Variants in CPEB3 observed in about 807,000 individuals in gnomAD.
CPEB3 encodes cytoplasmic polyadenylation element binding protein 3.
CPEB3 carries 20 observed loss-of-function variants against 67.2 expected under a neutral mutation model. The ratio of observed to expected loss-of-function variants is 0.30; its 90% confidence interval spans 0.21 to 0.43. The LOEUF is 0.43. Ranked by LOEUF, CPEB3 falls within the 20% of genes least tolerant of loss-of-function variation. The pLI, the probability that CPEB3 is intolerant of heterozygous loss-of-function variation, is 1.00. For synonymous variants in CPEB3, 376 were observed against 393.1 expected (o/e 0.96, Z 0.51); for missense variants, 746 against 968.6 (o/e 0.77, Z 3.05).
At chr10:92,174,263 G>C (rs747325374) in intron 4 of CPEB3, among the ~76,000 whole-genome samples, 1 of 152,216 alleles carries the variant, frequency 6.6e-6, no homozygotes, top group Non-Finnish European at 1.5e-5. Flanking sequence ...GGGAAGAGGA[G>C]GCTCTGCAGC....
chr10:92,146,312 T>C (rs1846677821), intron 4 of CPEB3, among the ~76,000 whole-genome samples: 1 of 152,086 alleles, frequency 6.6e-6, no homozygotes, highest in South Asian at 2.1e-4. Context: ...ATCAAATATA[T>C]TTCCTGTTTG....
At chr10:92,238,355 G>T (rs1335218774) in intron 2 of CPEB3, among the ~76,000 whole-genome samples, 1 of 152,162 alleles carries the variant, frequency 6.6e-6, no homozygotes, top group Non-Finnish European at 1.5e-5. Flanking sequence ...CAGAAAGCAA[G>T]AACAGAAATA....
chr10:92,234,866 A>G lies in CPEB3; in HGVS notation c.1005+4480T>C, dbSNP rs143495641. On this transcript the variant is annotated intron_variant, in intron 2 of 9. Coordinates refer to ENST00000265997, the MANE Select transcript of CPEB3 (RefSeq NM_014912.5). ...CTTGAACCGGGGAGGCAGAGTTTGC[A>G]GTGAGCCGAGATCACGCCACTGCAT... 7.9e-3 allele frequency among the ~76,000 whole-genome samples: 1,204 copies of G among 152,222 alleles called. 11 individuals carry two copies. The highest frequency in any genetic ancestry group is 0.028 in the African/African-American group (1,156 of 41,522).
At chr10:92,236,761 C>CAG (rs1318614280) in intron 2 of CPEB3, among the ~76,000 whole-genome samples, 5 of 152,162 alleles carry the variant, frequency 3.3e-5, no homozygotes, top group African/African-American at 4.8e-5. Context: ...CACACACACA[C>CAG]ACACATAAAA....
chr10:92,136,425 T>C (rs1846098695), intron 6 of CPEB3, among the ~76,000 whole-genome samples: 1 of 152,124 alleles, frequency 6.6e-6, no homozygotes, highest in Non-Finnish European at 1.5e-5. Context: ...GAGAAAATAG[T>C]TACAAACTGT....
intron 8 of CPEB3, among the ~76,000 whole-genome samples, chr10:92,082,086 A>T (rs1449855092): frequency 6.6e-6 from 1 of 152,204 alleles, no homozygotes; most frequent in Non-Finnish European, 1.5e-5. Flanking sequence ...AACCTTTCCC[A>T]TTGAATTCTA....
At chr10:92,215,129 T>C (rs1679600540) in intron 2 of CPEB3, among the ~76,000 whole-genome samples, 1 of 150,786 alleles carries the variant, frequency 6.6e-6, no homozygotes, top group Non-Finnish European at 1.5e-5. Context: ...ATCACAGACG[T>C]GAGCCACAGT....
At chr10:92,193,648 T>C (rs1192823397) in intron 2 of CPEB3, among the ~76,000 whole-genome samples, 1 of 150,144 alleles carries the variant, frequency 6.7e-6, no homozygotes, top group Non-Finnish European at 1.5e-5. Flanking sequence ...AGAGATGGGG[T>C]CTCACTATGT....
chr10:92,170,711 AAG>A (rs945130521), intron 4 of CPEB3, among the ~76,000 whole-genome samples: 1 of 152,228 alleles, frequency 6.6e-6, no homozygotes, highest in South Asian at 2.1e-4. Context: ...GGGAAGGAGG[AAG>A]AGAGAGAAAG....
chr10:92,138,390 T>G (rs1846217049), intron 6 of CPEB3: 1 of 179,956 alleles, frequency 5.6e-6, no homozygotes, highest in African/African-American at 2.4e-5. Flanking sequence ...TCCTGCTACC[T>G]AGCCCCAGCC....
chr10:92,258,626 AT>A (rs1564914005), intron 1 of CPEB3, among the ~76,000 whole-genome samples: 4 of 86,310 alleles, frequency 4.6e-5, no homozygotes, highest in South Asian at 5.1e-4. Context: ...TATTTTTTGA[AT>A]ATATATATAT....
chr10:92,148,657 G>C (rs2133868317), intron 4 of CPEB3, among the ~76,000 whole-genome samples: 1 of 152,122 alleles, frequency 6.6e-6, no homozygotes, highest in African/African-American at 2.4e-5. Flanking sequence ...TCACATAAAA[G>C]GCACACCAAA....
chr10:92,180,844 A>C (rs1590320116), intron 4 of CPEB3, 119 bp downstream of exon 4: 1 of 695,054 alleles, frequency 1.4e-6, no homozygotes, highest in African/African-American at 1.8e-5. Flanking sequence ...CTAGTACAGA[A>C]CAATGGTCTA....
chr10:92,067,403 G>A (rs564688953), intron 9 of CPEB3, among the ~76,000 whole-genome samples: 5 of 152,244 alleles, frequency 3.3e-5, no homozygotes, highest in African/African-American at 4.8e-5. Context: ...GGGAGGCTGA[G>A]GCAGGAGAAT....
At chr10:92,261,984 CTT>C (rs1852822549) in intron 1 of CPEB3, among the ~76,000 whole-genome samples, 1 of 152,210 alleles carries the variant, frequency 6.6e-6, no homozygotes, top group Non-Finnish European at 1.5e-5. Flanking sequence ...TTATTTCTGT[CTT>C]GTCATGTTGC....
At chr10:92,254,534 C>T (rs1205783189) in intron 1 of CPEB3, among the ~76,000 whole-genome samples, 1 of 152,172 alleles carries the variant, frequency 6.6e-6, no homozygotes, top group Admixed American at 6.5e-5. Flanking sequence ...ATGTTTCTCA[C>T]TCTCTGTTTG....
At chr10:92,093,047 T>A (rs966473208) in intron 7 of CPEB3, among the ~76,000 whole-genome samples, 1 of 152,244 alleles carries the variant, frequency 6.6e-6, no homozygotes, top group Non-Finnish European at 1.5e-5. Flanking sequence ...TACATGGTTT[T>A]ATATACAAAA....
chr10:92,239,806 G>A lies in CPEB3; in HGVS notation c.545C>T (p.Pro182Leu), dbSNP rs1180257236. ...GCGCTGCTGCGGGGGCTGCGCCTGT[G>A]GTGGCTGCGCTGGCTGTGCCGGCTG... ...APQPAQPAQP[P>L]QAQPPQQRRS... The change falls in exon 2 of 10, where the codon CCA becomes CTA. Residue 182 changes from proline to leucine, a missense_variant. Coordinates refer to ENST00000265997, the MANE Select transcript of CPEB3 (RefSeq NM_014912.5). This position sits in a 1 kb window ranked among gnomAD's most constrained non-coding sequence, Gnocchi z 6.0. 11 of 1,428,598 alleles carry A rather than the reference G, an allele frequency of 7.7e-6. No homozygotes were observed. In the Admixed American group the frequency reaches 1.9e-4, roughly 25 times the overall value. The allele number at this position is 1,428,598 out of a possible 1,614,324, so 88.5% of individuals were successfully genotyped here. A position where few individuals can be genotyped will look rare whatever the true frequency, so the allele number is the denominator to read the frequency against.
intron 3 of CPEB3, among the ~76,000 whole-genome samples, chr10:92,185,029 A>C (rs189728994): frequency 1.7e-4 from 26 of 152,332 alleles, no homozygotes; most frequent in African/African-American, 5.5e-4. Flanking sequence ...ACAGCAAAAG[A>C]AAAACTGATT....
Sources: gnomAD v4.1 joint callset for allele counts (sites outside exome capture counted in the v4.1 genomes callset) on GRCh38, gnomAD v4.1.1 for gene constraint, Gnocchi (gnomAD v3.1) non-coding constraint, MANE v1.5 for transcripts, NCBI Gene and HGNC (gene_info 2026-07-23, HGNC 2026-07-21) for gene names.